The following ACSS3 variants were observed in gnomAD, a reference collection of about 807,000 sequenced individuals.
ACSS3 encodes acyl-CoA synthetase short-chain family member 3, mitochondrial.
Under a neutral mutation model 84.2 loss-of-function variants are expected in ACSS3, and 64 were observed. The observed-to-expected ratio is 0.76, with a 90% CI of 0.62 to 0.94. ACSS3 has a LOEUF of 0.94. ACSS3 is among the 40% of genes least tolerant of loss of function. ACSS3 has a pLI of 0.00. For missense variants in ACSS3, 815 were observed against 867.6 expected, an observed-to-expected ratio of 0.94 and a Z score of 0.76; for synonymous variants, 317 against 310.1, an observed-to-expected ratio of 1.02 and a Z score of -0.23.
At chr12:81,199,295 A>C (rs1436389693) in intron 8 of ACSS3, 46 bp from the exon 9 acceptor site, 4 of 1,512,386 alleles carry the variant, frequency 2.6e-6, no homozygotes, top group Middle Eastern at 1.7e-4. Flanking sequence ...ACAATTATTT[A>C]GATTTATTTT....
intron 13 of ACSS3, among the ~76,000 whole-genome samples, chr12:81,234,131 T>C (rs534309724): frequency 6.6e-6 from 1 of 151,640 alleles, no homozygotes; most frequent in South Asian, 2.1e-4. Context: ...CAATTTTATA[T>C]AAATAGATGA....
chr12:81,201,852 C>T (rs374041621), intron 9 of ACSS3, among the ~76,000 whole-genome samples: 1 of 152,080 alleles, frequency 6.6e-6, no homozygotes, highest in Non-Finnish European at 1.5e-5. Context: ...TTATTTTGTG[C>T]TTTGTAAAAT....
chr12:81,106,206 C>G (rs1165413307), intron 1 of ACSS3, among the ~76,000 whole-genome samples: 1 of 152,146 alleles, frequency 6.6e-6, no homozygotes, highest in Non-Finnish European at 1.5e-5. Flanking sequence ...CCCCACTGCT[C>G]ACATTACTGC....
chr12:81,194,546 G>A (rs2031735333), intron 8 of ACSS3, among the ~76,000 whole-genome samples: 1 of 151,822 alleles, frequency 6.6e-6, no homozygotes, highest in South Asian at 2.1e-4. Flanking sequence ...TGATTTTAAT[G>A]GAAATGGAAG....
At chr12:81,109,835 A>T (rs924007721) in intron 2 of ACSS3, 131 bp downstream of exon 2, 36 of 778,248 alleles carry the variant, frequency 4.6e-5, no homozygotes, top group Non-Finnish European at 6.4e-5. Flanking sequence ...CTTTTGATAC[A>T]CATTGGAAAT....
At chr12:81,206,586 C>T (rs151095432) in intron 9 of ACSS3, among the ~76,000 whole-genome samples, 38 of 152,028 alleles carry the variant, frequency 2.5e-4, no homozygotes, top group African/African-American at 7.2e-4. Flanking sequence ...ATCTCAGCAA[C>T]GTGTAACTAG....
chr12:81,227,884 T>C (rs546810269), intron 11 of ACSS3, among the ~76,000 whole-genome samples: 1 of 151,934 alleles, frequency 6.6e-6, no homozygotes, highest in South Asian at 2.1e-4. Context: ...CTTTTATTTC[T>C]TCCCCCACTT....
intron 1 of ACSS3, among the ~76,000 whole-genome samples, chr12:81,091,426 A>T: frequency 6.6e-6 from 1 of 152,058 alleles, no homozygotes; most frequent in East Asian, 1.9e-4. Flanking sequence ...AAAAAATATA[A>T]AACTGATTTT....
At chr12:81,080,680 A>G (rs938019416) in intron 1 of ACSS3, among the ~76,000 whole-genome samples, 4 of 152,180 alleles carry the variant, frequency 2.6e-5, no homozygotes, top group African/African-American at 9.6e-5. Context: ...AAATGAAGAT[A>G]GTCCTGATTG....
intron 12 of ACSS3, among the ~76,000 whole-genome samples, chr12:81,231,817 A>G (rs965570276): frequency 5.3e-5 from 8 of 151,700 alleles, no homozygotes; most frequent in African/African-American, 1.9e-4. Context: ...TTAATAAAGC[A>G]CATCAGGTTC....
intron 9 of ACSS3, among the ~76,000 whole-genome samples, chr12:81,202,115 A>G (rs539283258): frequency 6.6e-6 from 1 of 152,030 alleles, no homozygotes; most frequent in Non-Finnish European, 1.5e-5. Flanking sequence ...TGTCTCTACT[A>G]AAAATACAAA....
At chr12:81,138,069 G>A (rs1398303045) in intron 3 of ACSS3, among the ~76,000 whole-genome samples, 1 of 151,932 alleles carries the variant, frequency 6.6e-6, no homozygotes, top group African/African-American at 2.4e-5. Context: ...CATATATTTA[G>A]CACAGTATAA....
At chr12:81,124,903 G>C (rs1884945558) in intron 2 of ACSS3, among the ~76,000 whole-genome samples, 1 of 152,042 alleles carries the variant, frequency 6.6e-6, no homozygotes, top group African/African-American at 2.4e-5. Context: ...TCTCACTGCT[G>C]GCTCTTTCTC....
At chr12:81,156,437 G>A (rs1026875348) in intron 7 of ACSS3, among the ~76,000 whole-genome samples, 9 of 151,444 alleles carry the variant, frequency 5.9e-5, no homozygotes, top group South Asian at 2.1e-4. Context: ...AAACCAGGAA[G>A]GAATAATAAA....
chr12:81,157,047 T>C (rs1307243713), intron 7 of ACSS3, among the ~76,000 whole-genome samples: 1 of 152,058 alleles, frequency 6.6e-6, no homozygotes, highest in African/African-American at 2.4e-5. Flanking sequence ...CAAAAAAAAA[T>C]ACTACAAACT....
rs921774104 is a variant in ACSS3, at chr12:81,103,403, C to T, written c.312-6157C>T. Among the ~76,000 whole-genome samples the T allele has an allele frequency of 1.3e-4, 20 of 152,146 alleles. No homozygotes were observed. In the East Asian group the frequency reaches 1.5e-3, roughly 12 times the overall value. On this transcript the variant is annotated intron_variant, in intron 1 of 15. Coordinates refer to ENST00000548058, the MANE Select transcript of ACSS3 (RefSeq NM_024560.4). ...CAGTAGAGAGTCAGCACATAGAAGGCATTCAATTGACCTTTACTGGAATGA... is the reference window on the plus strand; with the variant it reads ...CAGTAGAGAGTCAGCACATAGAAGGTATTCAATTGACCTTTACTGGAATGA...
intron 3 of ACSS3, among the ~76,000 whole-genome samples, chr12:81,135,441 A>T (rs1437664517): frequency 6.9e-6 from 1 of 144,770 alleles, no homozygotes; most frequent in Non-Finnish European, 1.5e-5. Flanking sequence ...AATATATAAT[A>T]TTATAATAAT....
At chr12:81,183,964 C>T (rs566269977) in intron 8 of ACSS3, among the ~76,000 whole-genome samples, 2 of 151,824 alleles carry the variant, frequency 1.3e-5, no homozygotes, top group Admixed American at 1.3e-4. Flanking sequence ...TACAGAACTT[C>T]CCTTCCAACA....
chr12:81,249,475 C>G (rs2034087109), intron 13 of ACSS3, among the ~76,000 whole-genome samples: 2 of 151,942 alleles, frequency 1.3e-5, no homozygotes, highest in Admixed American at 6.6e-5. Flanking sequence ...ATGCCTTTTG[C>G]CTTTTTGAGG....
Sources: allele counts gnomAD v4.1 joint callset (sites outside exome capture counted in the v4.1 genomes callset), GRCh38; gene constraint gnomAD v4.1.1; transcripts MANE v1.5; gene names NCBI Gene and HGNC (gene_info 2026-07-23, HGNC 2026-07-21).